Variants in PACC1 observed in about 807,000 individuals in gnomAD.
PACC1 encodes the protein proton-activated chloride channel.
A neutral mutation model predicts 39.7 loss-of-function variants in PACC1; 34 were observed. The observed-to-expected ratio is 0.86, with a 90% CI of 0.65 to 1.14. The LOEUF (loss-of-function observed/expected upper bound fraction) is 1.14. PACC1 is among the 50% of genes most tolerant of loss of function. The probability of loss-of-function intolerance (pLI) is 0.00; values close to 1 mark genes in which losing one functional copy is unlikely to be tolerated. For synonymous variants in PACC1, 127 were observed against 160.6 expected (o/e 0.79, Z 1.58); for missense variants, 379 against 436.4 (o/e 0.87, Z 1.17).
chr1:212,381,770 G>GACAC (rs10529310), intron 4 of PACC1, among the ~76,000 whole-genome samples: 22,335 of 118,074 alleles, frequency 0.19, 2,653 homozygotes, highest in South Asian at 0.3. Context: ...ACAGCACAGT[G>GACAC]ACACACACAC....
chr1:212,403,049 A>C (rs1403156152), intron 2 of PACC1, among the ~76,000 whole-genome samples: 1 of 152,146 alleles, frequency 6.6e-6, no homozygotes, highest in Admixed American at 6.5e-5. Context: ...TGTAATGACT[A>C]ATTAACCAAG....
intron 2 of PACC1, among the ~76,000 whole-genome samples, chr1:212,395,723 ACTC>A (rs903848346): frequency 6.6e-6 from 1 of 151,986 alleles, no homozygotes; most frequent in African/African-American, 2.4e-5. Context: ...TCTACAAAGA[ACTC>A]CAACACATTT....
At chr1:212,407,483 G>T (rs1661959736) in intron 2 of PACC1, among the ~76,000 whole-genome samples, 1 of 152,188 alleles carries the variant, frequency 6.6e-6, no homozygotes, top group Non-Finnish European at 1.5e-5. Context: ...ATTTGTTATA[G>T]AAACAATAGA....
At chr1:212,370,694 C>T (rs1660417616) in intron 7 of PACC1, among the ~76,000 whole-genome samples, 1 of 151,946 alleles carries the variant, frequency 6.6e-6, no homozygotes, top group Admixed American at 6.6e-5. Flanking sequence ...TCCTTAGTGA[C>T]CAAAGGTCAA....
rs518793 is a variant in PACC1, at chr1:212,414,864, C to A, written c.-107G>T. ...ACCTACCGGCTCCGCGAGGCGAAAC[C>A]GGTCCGGAGGGGCGTCCCAGAGACC... On this transcript the variant is annotated 5_prime_UTR_variant, in exon 1 of 8. Coordinates refer to ENST00000261455, the MANE Select transcript of PACC1 (RefSeq NM_018252.3). 1.3e-6 allele frequency: 2 copies of A among 1,482,576 alleles called. No homozygotes were observed. The highest frequency in any genetic ancestry group is 2.8e-5 in the African/African-American group (2 of 71,744). 91.8% of individuals were successfully genotyped at this position (1,482,576 alleles called of 1,614,324 possible). A position where few individuals can be genotyped will look rare whatever the true frequency, so the allele number is the denominator to read the frequency against.
chr1:212,401,215 T>A (rs1380455908), intron 2 of PACC1, among the ~76,000 whole-genome samples: 1 of 152,178 alleles, frequency 6.6e-6, no homozygotes, highest in African/African-American at 2.4e-5. Context: ...CAAGAGTGGT[T>A]ACTTCCCCTT....
At chr1:212,406,010 C>T (rs543154566) in intron 2 of PACC1, among the ~76,000 whole-genome samples, 8 of 145,990 alleles carry the variant, frequency 5.5e-5, no homozygotes, top group African/African-American at 2.0e-4. Flanking sequence ...GGTATGGTGG[C>T]GCATGTCTGT....
intron 5 of PACC1, 99 bp downstream of exon 5, chr1:212,379,795 CT>C (rs1660807374): frequency 1.4e-6 from 2 of 1,473,078 alleles, no homozygotes; most frequent in Admixed American, 4.0e-5. Flanking sequence ...TGCCCCTTCC[CT>C]TCCCTGCCCT....
intron 2 of PACC1, among the ~76,000 whole-genome samples, chr1:212,390,429 G>GAAAAAAA (rs569040186): frequency 1.4e-5 from 1 of 73,912 alleles, no homozygotes; most frequent in African/African-American, 4.2e-5. Context: ...ATCTCAAAAA[G>GAAAAAAA]AAAAAAAAAA....
chr1:212,370,341 C>T (rs1476305029), intron 7 of PACC1, among the ~76,000 whole-genome samples: 2 of 152,098 alleles, frequency 1.3e-5, no homozygotes, highest in African/African-American at 2.4e-5. Context: ...TGGTGGCAGG[C>T]GCCTGTAGTC....
intron 4 of PACC1, among the ~76,000 whole-genome samples, chr1:212,381,726 C>CACACACACACAA (rs1217008870): frequency 2.4e-4 from 33 of 136,666 alleles, no homozygotes. Context: ...CACACACACA[C>CACACACACACAA]ACAGCCCACA....
intron 2 of PACC1, among the ~76,000 whole-genome samples, chr1:212,401,759 C>T (rs1362534050): frequency 6.6e-6 from 1 of 150,520 alleles, no homozygotes; most frequent in Non-Finnish European, 1.5e-5. Flanking sequence ...CTGCAACCTC[C>T]ACCTCCCGGG....
chr1:212,372,898 T>C (rs1430101369), intron 7 of PACC1, among the ~76,000 whole-genome samples: 1 of 152,152 alleles, frequency 6.6e-6, no homozygotes, highest in Non-Finnish European at 1.5e-5. Flanking sequence ...CTATGGTTCA[T>C]GGATTGGAAG....
At chr1:212,384,336 A>T (rs1270839782) in intron 4 of PACC1, among the ~76,000 whole-genome samples, 2 of 152,174 alleles carry the variant, frequency 1.3e-5, no homozygotes, top group Non-Finnish European at 2.9e-5. Context: ...CTTAAAACCC[A>T]CTAACAGTTC....
At chr1:212,381,312 CTT>C (rs1660871323) in intron 4 of PACC1, among the ~76,000 whole-genome samples, 1 of 152,188 alleles carries the variant, frequency 6.6e-6, no homozygotes. Context: ...TTCTTGCAAA[CTT>C]TTGCACGTGG....
chr1:212,374,683 A>T (rs1660582927), intron 7 of PACC1, among the ~76,000 whole-genome samples: 1 of 152,128 alleles, frequency 6.6e-6, no homozygotes, highest in Admixed American at 6.5e-5. Flanking sequence ...TTATGTATCA[A>T]TTTTTTTAAA....
In PACC1 at chr1:212,385,276, C is replaced by T; in HGVS notation, c.493G>A (p.Val165Met). 1 of 1,613,994 alleles carries T rather than the reference C, an allele frequency of 6.2e-7. No individual in the cohort carries two copies. Among genetic ancestry groups the T allele is most frequent in the Non-Finnish European group, 8.5e-7 (1 of 1,180,012 alleles). ...CAGCTCAGGCAGACAGGAATTACCA[C>T]AGTCTGATTGGAGAAGGGGTCCGTG... ...NYTDPFSNQTVKSALIVQGPR... is the reference protein window; with the variant it reads ...NYTDPFSNQTMKSALIVQGPR... Residue 165 changes from valine to methionine, a missense_variant and splice_region_variant, in exon 4 of 8, where the codon GTG becomes ATG. Transcript: ENST00000261455.
chr1:212,413,931 A>ACGATC (rs1442997023), intron 1 of PACC1: 8 of 1,535,274 alleles, frequency 5.2e-6, no homozygotes, highest in Non-Finnish European at 7.0e-6. Context: ...ATGAGGCGGC[A>ACGATC]CGATGGAGGG....
chr1:212,387,072 G>A lies in PACC1; in HGVS notation c.162C>T (p.Ser54=). ...TCAGGCAGGCCTTGCTGAAGCGGAT[G>A]CTGCTGGAGGCGGACTCGCTGTCCA... The part of the protein sequence containing the change: ...PGLDSESASS[S]IRFSKACLKN... Residue 54 remains serine (S), a synonymous_variant, in exon 3 of 8, where the codon AGC becomes AGT. Transcript: ENST00000261455. 1 of 1,614,108 alleles carries A rather than the reference G, an allele frequency of 6.2e-7. No homozygotes were observed. Among genetic ancestry groups the A allele is most frequent in the Non-Finnish European group, 8.5e-7 (1 of 1,180,044 alleles).
Sources: gnomAD v4.1 joint callset for allele counts (sites outside exome capture counted in the v4.1 genomes callset) on GRCh38, gnomAD v4.1.1 for gene constraint, MANE v1.5 for transcripts, NCBI Gene and HGNC (gene_info 2026-07-23, HGNC 2026-07-21) for gene names.